ABL1: variants seen among roughly 807,000 people sequenced by gnomAD.
ABL1 encodes ABL proto-oncogene 1, non-receptor tyrosine kinase.
ABL1 carries 11 observed loss-of-function variants against 94.7 expected under a neutral mutation model. The ratio of observed to expected loss-of-function variants is 0.12; its 90% CI spans 0.07 to 0.19. ABL1 has a LOEUF of 0.19. ABL1 is among the 10% of genes least tolerant of loss of function. The pLI is 1.00. For missense variants in ABL1, 1,082 were observed against 1,489.4 expected, an observed-to-expected ratio of 0.73 and a Z score of 4.50; for synonymous variants, 656 against 622.4, an observed-to-expected ratio of 1.05 and a Z score of -0.80.
intron 1 of ABL1, among the ~76,000 whole-genome samples, chr9:130,716,459 C>A (rs755484996): frequency 3.5e-4 from 53 of 152,022 alleles, no homozygotes; most frequent in Non-Finnish European, 6.5e-4. Context: ...ACATTTTGAC[C>A]CTTGTGTATG....
At position 130,854,045 on chromosome 9, in the gene ABL1, TC is replaced by T. The variant is rs1830932979; in HGVS notation, c.80-13del. 1.9e-6 allele frequency: 3 copies of T among 1,569,834 alleles called. No homozygotes were observed. The highest frequency in any genetic ancestry group is 1.4e-5 in the African/African-American group (1 of 72,760). ...TTCTCTTCCTTTTTCTTTTTTCTGT[TC>T]CCCCCTTTCTCTTCCAGAAGCCCTT... On this transcript the variant is annotated intron_variant, in intron 1 of 10. Transcript: ENST00000318560.
At chr9:130,840,738 C>T (rs1830658080) in intron 1 of ABL1, among the ~76,000 whole-genome samples, 2 of 151,334 alleles carry the variant, frequency 1.3e-5, no homozygotes, top group South Asian at 2.1e-4. Context: ...AGGCTGGTCT[C>T]AAACTCCTGG....
Position 130,835,539 on chromosome 9 carries a change from G to T in ABL1, c.79+14G>T, listed in dbSNP as rs1429520670. On this transcript the variant is annotated intron_variant, in intron 1 of 10. Coordinates refer to ENST00000318560, the MANE Select transcript of ABL1 (RefSeq NM_005157.6). This position sits in a 1 kb window ranked among gnomAD's most constrained non-coding sequence, Gnocchi z 4.6. ...GTTATCTGGAAGGTAAGCCCGGGCC[G>T]CACGGGTTGGGCTGAGTAGCCGCGC... 4 of 1,548,008 alleles carry T rather than the reference G, an allele frequency of 2.6e-6. No homozygotes were observed. The South Asian group carries it at 3.6e-5, about 14-fold the overall frequency.
At chr9:130,820,907 C>T (rs1303556618) in intron 1 of ABL1, among the ~76,000 whole-genome samples, 1 of 151,978 alleles carries the variant, frequency 6.6e-6, no homozygotes, top group Admixed American at 6.6e-5. Context: ...ATAGAGTGTG[C>T]ACCATAACCA....
At chr9:130,784,211 C>T (rs144756286) in intron 1 of ABL1, among the ~76,000 whole-genome samples, 18 of 152,334 alleles carry the variant, frequency 1.2e-4, no homozygotes, top group African/African-American at 4.1e-4. Flanking sequence ...AAAGGCACCT[C>T]TTGCAGTGGC....
At chr9:130,821,138 G>A (rs977698406) in intron 1 of ABL1, among the ~76,000 whole-genome samples, 1 of 152,048 alleles carries the variant, frequency 6.6e-6, no homozygotes, top group African/African-American at 2.4e-5. Flanking sequence ...CACCATGTTA[G>A]CCAGGATGGT....
In ABL1 at chr9:130,884,707, C is replaced by T. The variant is rs147510280; in HGVS notation, c.2417C>T (p.Pro806Leu). Reference sequence around the variant, plus strand: ...TTCAAAGACATCATGGAGTCCAGCCCGGGCTCCAGCCCGCCCAACCTGACT... The same window carrying T: ...TTCAAAGACATCATGGAGTCCAGCCTGGGCTCCAGCCCGCCCAACCTGACT... ...EVFKDIMESS[P>L]GSSPPNLTPK... Residue 806 changes from proline (P) to leucine (L), a missense_variant, in exon 11 of 11, where the codon CCG becomes CTG. Transcript: ENST00000318560. This position sits in a 1 kb window ranked among gnomAD's most constrained non-coding sequence, Gnocchi z 5.6. 60 of 1,612,592 alleles carry T rather than the reference C, an allele frequency of 3.7e-5. No individual in the cohort carries two copies. In the African/African-American group the frequency reaches 4.9e-4, roughly 13 times the overall value.
At chr9:130,842,906 CA>C (rs1340194367) in intron 1 of ABL1, among the ~76,000 whole-genome samples, 2 of 152,180 alleles carry the variant, frequency 1.3e-5, no homozygotes, top group African/African-American at 4.8e-5. Flanking sequence ...GAATCTGGAG[CA>C]AATCCTATTT....
intron 10 of ABL1, among the ~76,000 whole-genome samples, chr9:130,881,399 G>C (rs925635952): frequency 2.9e-4 from 44 of 152,124 alleles, no homozygotes; most frequent in African/African-American, 1.0e-3. Flanking sequence ...AAGGAAAGAG[G>C]TTTCACTGAC....
chr9:130,756,250 TAGC>T (rs1035296334), intron 1 of ABL1, among the ~76,000 whole-genome samples: 3 of 152,320 alleles, frequency 2.0e-5, no homozygotes. Context: ...CAGACGTGGT[TAGC>T]AGAGAGCTTT....
chr9:130,881,518 C>T (rs1831453297), intron 10 of ABL1, among the ~76,000 whole-genome samples: 1 of 152,130 alleles, frequency 6.6e-6, no homozygotes, highest in Non-Finnish European at 1.5e-5. Context: ...CAGGGGAAGT[C>T]CGCTTTATAA....
chr9:130,822,118 G>A (rs1452130657), intron 1 of ABL1, among the ~76,000 whole-genome samples: 5 of 152,070 alleles, frequency 3.3e-5, no homozygotes, highest in African/African-American at 7.2e-5. Flanking sequence ...CATTACAGGC[G>A]TGAGCCACCA....
At chr9:130,729,707 A>G (rs936799677) in intron 1 of ABL1, among the ~76,000 whole-genome samples, 1 of 151,940 alleles carries the variant, frequency 6.6e-6, no homozygotes, top group Non-Finnish European at 1.5e-5. Context: ...TTACTGCATT[A>G]TGGACAGAAG....
chr9:130,845,770 A>G (rs532431295), intron 1 of ABL1, among the ~76,000 whole-genome samples: 1 of 151,534 alleles, frequency 6.6e-6, no homozygotes, highest in South Asian at 2.1e-4. Context: ...GGACTGTTTC[A>G]AAAAGTCTTT....
chr9:130,714,305 A>G (rs746516431), exon 1 of ABL1: 1 of 1,578,614 alleles, frequency 6.3e-7, no homozygotes, highest in African/African-American at 1.4e-5. Context: ...GGAAAGGGGT[A>G]CCTATTATTA....
chr9:130,733,350 A>G (rs1831690345), intron 1 of ABL1, among the ~76,000 whole-genome samples: 1 of 152,160 alleles, frequency 6.6e-6, no homozygotes, highest in Non-Finnish European at 1.5e-5. Context: ...TTTCTTCAGT[A>G]TCATATAGTA....
Position 130,885,786 on chromosome 9 carries a change from A to G in ABL1, c.*103A>G. 1.4e-6 allele frequency: 2 copies of G among 1,421,652 alleles called. No individual in the cohort carries two copies. The highest frequency in any genetic ancestry group is 1.9e-6 in the Non-Finnish European group (2 of 1,068,486). 88.1% of individuals were successfully genotyped at this position (1,421,652 alleles called of 1,614,324 possible). A position where few individuals can be genotyped will look rare whatever the true frequency, so the allele number is the denominator to read the frequency against. On this transcript the variant is annotated 3_prime_UTR_variant, in exon 11 of 11. Transcript: ENST00000318560. ...GCTGACAAGGGACTAGTGAGTCAGC[A>G]CCTTGGCCCAGGAGCTCTGCGCCAG...
intron 1 of ABL1, among the ~76,000 whole-genome samples, chr9:130,757,216 C>T (rs1474957388): frequency 6.6e-6 from 1 of 152,150 alleles, no homozygotes; most frequent in Non-Finnish European, 1.5e-5. Context: ...TCCTCTGACT[C>T]CTGGAGGAGA....
chr9:130,755,422 G>A (rs1437363566), intron 1 of ABL1, among the ~76,000 whole-genome samples: 1 of 152,094 alleles, frequency 6.6e-6, no homozygotes, highest in Non-Finnish European at 1.5e-5. Flanking sequence ...TTTGCTTGTC[G>A]ACCTGCTTCA....
Sources: allele counts gnomAD v4.1 joint callset (sites outside exome capture counted in the v4.1 genomes callset), GRCh38; gene constraint gnomAD v4.1.1; non-coding constraint Gnocchi (gnomAD v3.1); transcripts MANE v1.5; gene names NCBI Gene and HGNC (gene_info 2026-07-23, HGNC 2026-07-21).